Variants in ELL2 observed in about 807,000 individuals in gnomAD.
ELL2 encodes the protein RNA polymerase II elongation factor ELL2.
A neutral mutation model predicts 72.8 loss-of-function variants in ELL2; 21 were observed. The observed-to-expected ratio is 0.29, with a 90% CI of 0.20 to 0.42. The LOEUF (loss-of-function observed/expected upper bound fraction) is 0.42, where lower values mean the gene tolerates loss of function less well. Among genes scored for constraint, ELL2 ranks in the 10% least tolerant of loss-of-function variants. The pLI is 1.00. For synonymous variants in ELL2, 266 were observed against 283.2 expected (o/e 0.94, Z 0.61); for missense variants, 568 against 772.8 (o/e 0.73, Z 3.14).
intron 2 of ELL2, among the ~76,000 whole-genome samples, chr5:95,919,861 A>G (rs1306597612): frequency 6.6e-6 from 1 of 152,198 alleles, no homozygotes; most frequent in Non-Finnish European, 1.5e-5. Flanking sequence ...TGAAAGAGTT[A>G]TTAGTGAATT....
intron 3 of ELL2, among the ~76,000 whole-genome samples, chr5:95,917,256 T>G (rs1011029892): frequency 1.3e-5 from 2 of 152,186 alleles, no homozygotes; most frequent in Non-Finnish European, 2.9e-5. Context: ...TTGATTTCAT[T>G]TTATATATGA....
chr5:95,915,112 A>T (rs1367218222), intron 3 of ELL2, among the ~76,000 whole-genome samples: 1 of 151,612 alleles, frequency 6.6e-6, no homozygotes, highest in Non-Finnish European at 1.5e-5. Context: ...AAGGTTGATA[A>T]TTTTTTTTTG....
chr5:95,891,757 T>C (rs890910163), intron 9 of ELL2, among the ~76,000 whole-genome samples: 4 of 152,198 alleles, frequency 2.6e-5, no homozygotes, highest in African/African-American at 9.7e-5. Flanking sequence ...AGTCTGTTGC[T>C]TGGCCTTTCA....
At chr5:95,910,719 T>C (rs919007176) in intron 4 of ELL2, among the ~76,000 whole-genome samples, 2 of 152,258 alleles carry the variant, frequency 1.3e-5, no homozygotes, top group Non-Finnish European at 2.9e-5. Context: ...GCTACCACCA[T>C]GCCACAGTGG....
Position 95,898,402 on chromosome 5 carries a change from G to A in ELL2, c.1363C>T (p.His455Tyr), listed in dbSNP as rs1050934339. Reference sequence around the variant, plus strand: ...TTGGACTTTTTGTGAGACATTGAATGGTTTTCTTCCATAGGCTTTGGACAC... The same window carrying A: ...TTGGACTTTTTGTGAGACATTGAATAGTTTTCTTCCATAGGCTTTGGACAC... Reference protein sequence around the residue: ...LKCPKPMEENHSMSHKKSKKK... With the variant: ...LKCPKPMEENYSMSHKKSKKK... The change falls in exon 8 of 12, where the codon CAT becomes TAT. Residue 455 changes from histidine to tyrosine, a missense_variant. By Grantham distance (83) the His-to-Tyr change is moderately conservative. This residue lies in a region of ELL2 where 511 missense variants were observed against 728.4 expected (regional missense o/e 0.70). Coordinates refer to ENST00000237853, the MANE Select transcript of ELL2 (RefSeq NM_012081.6). The A allele has an allele frequency of 2.5e-6, 4 of 1,613,186 alleles. No individual in the cohort carries two copies. The highest frequency in any genetic ancestry group is 2.2e-5 in the East Asian group (1 of 44,906).
At chr5:95,936,334 A>T (rs551760337) in intron 2 of ELL2, among the ~76,000 whole-genome samples, 1 of 152,230 alleles carries the variant, frequency 6.6e-6, no homozygotes, top group African/African-American at 2.4e-5. Context: ...ATATATATGT[A>T]TAGTCTCCAA....
rs531473934 is a variant in ELL2 at position 95,927,384 on chromosome 5, T to C, written c.196-7839A>G. Among the ~76,000 whole-genome samples the C allele has an allele frequency of 1.0e-3, 53 of 52,856 alleles. 6 individuals are homozygous for C. Among genetic ancestry groups the C allele is most frequent in the Admixed American group, 2.7e-3 (17 of 6,296 alleles). The allele number at this position is 52,856 out of a possible 152,430, so 34.7% of individuals were successfully genotyped here. Reference sequence around the variant, plus strand: ...ATATATAGACATACACACACACACGTGTGTATATATAGACATACACACACG... The same window carrying C: ...ATATATAGACATACACACACACACGCGTGTATATATAGACATACACACACG... On this transcript the variant is annotated intron_variant, in intron 2 of 11. Coordinates refer to ENST00000237853, the MANE Select transcript of ELL2 (RefSeq NM_012081.6).
At chr5:95,921,793 A>G (rs1214286913) in intron 2 of ELL2, among the ~76,000 whole-genome samples, 2 of 152,154 alleles carry the variant, frequency 1.3e-5, no homozygotes, top group East Asian at 3.9e-4. Context: ...AGGTGTGGAC[A>G]CCTGAATGAA....
intron 2 of ELL2, among the ~76,000 whole-genome samples, chr5:95,921,022 A>G (rs1385934624): frequency 6.6e-6 from 1 of 152,190 alleles, no homozygotes; most frequent in Non-Finnish European, 1.5e-5. Context: ...CCTGCAAGAT[A>G]ACCTGCAACC....
At chr5:95,942,927 C>T in intron 2 of ELL2, 75 bp downstream of exon 2, 11 of 1,214,790 alleles carry the variant, frequency 9.1e-6, no homozygotes, top group Non-Finnish European at 1.1e-5. Context: ...AAAGGGTCAA[C>T]TGAAAACGGA....
intron 1 of ELL2, among the ~76,000 whole-genome samples, chr5:95,944,719 A>G (rs1751091051): frequency 6.6e-6 from 1 of 152,182 alleles, no homozygotes; most frequent in Admixed American, 6.5e-5. Flanking sequence ...AGCTTTCACA[A>G]TATTTCCATC....
chr5:95,906,866 C>A, intron 4 of ELL2, 84 bp from the exon 5 acceptor site: 1 of 1,345,772 alleles, frequency 7.4e-7, no homozygotes, highest in African/African-American at 1.5e-5. Context: ...GATTTAGGTA[C>A]CTCTTCATTT....
In ELL2 at chr5:95,954,563, C is replaced by T. The variant is rs557664103; in HGVS notation, c.147+7012G>A. On this transcript the variant is annotated intron_variant, in intron 1 of 11. Coordinates refer to ENST00000237853, the MANE Select transcript of ELL2 (RefSeq NM_012081.6). ...CTGGGACTACAGGCGCCTGCCACCA[C>T]GCCTGGCTAATTTTCTTTTCTTTTT... Among the ~76,000 whole-genome samples the T allele has an allele frequency of 7.6e-4, 113 of 148,754 alleles. 1 individual carries two copies. Among genetic ancestry groups the T allele is most frequent in the African/African-American group, 2.1e-3 (86 of 40,692 alleles).
chr5:95,895,695 T>A lies in ELL2; in HGVS notation c.1526-4A>T, dbSNP rs762678707. ...GCAGTGCAATCCTCTTTAACTCCTA[T>A]GAAGAAAAAAAACAAAATCAGAGCA... On this transcript the variant is annotated splice_polypyrimidine_tract_variant and splice_region_variant and intron_variant, in intron 8 of 11. Coordinates refer to ENST00000237853, the MANE Select transcript of ELL2 (RefSeq NM_012081.6). 2 of 1,613,268 alleles carry A rather than the reference T, an allele frequency of 1.2e-6. No individual in the cohort carries two copies. Among genetic ancestry groups the A allele is most frequent in the South Asian group, 2.2e-5 (2 of 90,968 alleles).
intron 9 of ELL2, 35 bp downstream of exon 9, chr5:95,895,593 A>G (rs1425338275): frequency 1.9e-6 from 3 of 1,580,814 alleles, no homozygotes; most frequent in Non-Finnish European, 2.6e-6. Context: ...TCTAAAATTA[A>G]GCCGCTCTCT....
intron 1 of ELL2, 48 bp from the exon 2 acceptor site, chr5:95,943,097 G>T: frequency 1.3e-6 from 2 of 1,493,590 alleles, no homozygotes; most frequent in South Asian, 1.2e-5. Context: ...TGGTTACTGT[G>T]ACATAGAACT....
At chr5:95,930,971 C>T (rs1434472465) in intron 2 of ELL2, among the ~76,000 whole-genome samples, 1 of 152,050 alleles carries the variant, frequency 6.6e-6, no homozygotes, top group Non-Finnish European at 1.5e-5. Flanking sequence ...GAAATGGTGT[C>T]CTGCTTTCTT....
chr5:95,922,767 A>AAATATGACCAT (rs1435403353), intron 2 of ELL2, among the ~76,000 whole-genome samples: 1 of 152,240 alleles, frequency 6.6e-6, no homozygotes, highest in Non-Finnish European at 1.5e-5. Flanking sequence ...CAGATTTAAA[A>AAATATGACCAT]AATATGACCA....
At chr5:95,901,475 T>C (rs1749140584) in intron 5 of ELL2, among the ~76,000 whole-genome samples, 1 of 152,234 alleles carries the variant, frequency 6.6e-6, no homozygotes, top group Non-Finnish European at 1.5e-5. Context: ...AAAACTCCGA[T>C]GGTAACGAAC....
Sources: allele counts gnomAD v4.1 joint callset (sites outside exome capture counted in the v4.1 genomes callset), GRCh38; gene constraint gnomAD v4.1.1; regional missense constraint gnomAD v4.1.1; transcripts MANE v1.5; gene names NCBI Gene and HGNC (gene_info 2026-07-23, HGNC 2026-07-21).